NMU: variants seen among roughly 807,000 people sequenced by gnomAD.
NMU encodes the protein neuromedin U.
NMU carries 29 observed loss-of-function variants against 35.4 expected under a neutral mutation model. That is an observed-to-expected ratio of 0.82 (90% CI 0.61 to 1.12). The LOEUF (loss-of-function observed/expected upper bound fraction) is 1.12, where lower values mean the gene tolerates loss of function less well. NMU is among the 50% of genes most tolerant of loss of function. NMU has a pLI of 0.00. For synonymous variants in NMU, 78 were observed against 81.3 expected (o/e 0.96, Z 0.22); for missense variants, 199 against 206.2 (o/e 0.97, Z 0.21).
chr4:55,601,069 T>C (rs1423247187), intron 7 of NMU, among the ~76,000 whole-genome samples: 1 of 152,172 alleles, frequency 6.6e-6, no homozygotes, highest in African/African-American at 2.4e-5. Context: ...GTAAATTACA[T>C]TTATTCAATG....
chr4:55,600,966 C>G (rs951966778), intron 7 of NMU, among the ~76,000 whole-genome samples: 1 of 151,928 alleles, frequency 6.6e-6, no homozygotes, highest in Non-Finnish European at 1.5e-5. Context: ...AACCCATGAA[C>G]AGGGGAAAAT....
At chr4:55,627,250 CTT>C (rs5858341) in intron 2 of NMU, among the ~76,000 whole-genome samples, 4 of 147,240 alleles carry the variant, frequency 2.7e-5, no homozygotes, top group Admixed American at 6.8e-5. Flanking sequence ...ATTACCATGC[CTT>C]TTTTTTTTTA....
chr4:55,635,381 T>C (rs1046109497), intron 1 of NMU, among the ~76,000 whole-genome samples: 5 of 152,232 alleles, frequency 3.3e-5, no homozygotes, highest in African/African-American at 1.2e-4. Flanking sequence ...CCTATTGTTA[T>C]CAAATCACAT....
intron 2 of NMU, among the ~76,000 whole-genome samples, chr4:55,619,890 C>T (rs957662670): frequency 3.1e-5 from 4 of 128,086 alleles, no homozygotes; most frequent in Non-Finnish European, 6.9e-5. Flanking sequence ...GGGAGGCACC[C>T]CCCAGCAGGG....
intron 8 of NMU, 91 bp from the exon 9 acceptor site, chr4:55,599,272 AACGTGCATC>A: frequency 9.9e-7 from 1 of 1,006,570 alleles, no homozygotes; most frequent in Non-Finnish European, 1.6e-6. Flanking sequence ...AGGAGTGTTT[AACGTGCATC>A]ACAATCATCT....
At position 55,626,943 on chromosome 4, in the gene NMU, A is replaced by G. The variant is rs373014557; in HGVS notation, c.171+3459T>C. ...TGATTTTCTACTAACTCTATAATTT[A>G]CCTTTTATATTTCTTTCTTTAGGGG... On this transcript the variant is annotated intron_variant, in intron 2 of 9. Coordinates refer to ENST00000264218, the MANE Select transcript of NMU (RefSeq NM_006681.4). Among the ~76,000 whole-genome samples the G allele has an allele frequency of 4.7e-4, 71 of 152,190 alleles. 1 individual carries two copies. Among genetic ancestry groups the G allele is most frequent in the African/African-American group, 1.7e-3 (69 of 41,538 alleles).
chr4:55,604,681 T>A (rs867118502), intron 7 of NMU, among the ~76,000 whole-genome samples: 5 of 108,652 alleles, frequency 4.6e-5, no homozygotes, highest in African/African-American at 1.8e-4. Flanking sequence ...CCTGGCTAAT[T>A]TTTTTTTTTT....
intron 6 of NMU, among the ~76,000 whole-genome samples, chr4:55,606,925 G>A (rs531444586): frequency 2.0e-4 from 31 of 152,092 alleles, no homozygotes; most frequent in Non-Finnish European, 2.5e-4. Context: ...TGATCCTCCC[G>A]CCTCGGCCTC....
chr4:55,609,043 A>G, intron 4 of NMU, 77 bp downstream of exon 4: 1 of 1,221,600 alleles, frequency 8.2e-7, no homozygotes, highest in Non-Finnish European at 1.2e-6. Flanking sequence ...TAAATTGGGC[A>G]TATTTTCTTC....
chr4:55,601,235 T>C (rs1389542121), intron 7 of NMU, among the ~76,000 whole-genome samples: 5 of 152,114 alleles, frequency 3.3e-5, no homozygotes, highest in Admixed American at 6.5e-5. Flanking sequence ...ACATTAACAT[T>C]TTATGGTTTC....
At chr4:55,629,352 G>T (rs1275617650) in intron 2 of NMU, among the ~76,000 whole-genome samples, 2 of 151,784 alleles carry the variant, frequency 1.3e-5, no homozygotes, top group African/African-American at 4.8e-5. Context: ...CGGGTGCGGT[G>T]GCTCCTGCCT....
chr4:55,616,108 C>T (rs534682136), intron 3 of NMU, among the ~76,000 whole-genome samples: 12 of 152,186 alleles, frequency 7.9e-5, no homozygotes, highest in African/African-American at 2.6e-4. Flanking sequence ...TTTAATTTGA[C>T]GTTACAAAAT....
chr4:55,616,343 G>A lies in NMU; in HGVS notation c.214C>T (p.Pro72Ser), dbSNP rs1015156065. The A allele has an allele frequency of 2.5e-6, 4 of 1,610,378 alleles. No individual in the cohort carries two copies. Among genetic ancestry groups the A allele is most frequent in the Non-Finnish European group, 3.4e-6 (4 of 1,176,692 alleles). Residue 72 changes from proline (P) to serine (S), a missense_variant, in exon 3 of 10, where the codon CCT becomes TCT. By Grantham distance (74) the Pro-to-Ser change is moderately conservative. Transcript: ENST00000264218. Reference protein sequence around the residue: ...CSSFLSIDSQPQASNALEELC... With the variant: ...CSSFLSIDSQSQASNALEELC... ...ATATCTTCAATTGGAATTACCTGAG[G>A]CTGAGAATCAATGGACAGAAAAGAC...
intron 9 of NMU, among the ~76,000 whole-genome samples, chr4:55,598,089 G>GGTT (rs1733267095): frequency 2.3e-5 from 2 of 85,394 alleles, no homozygotes; most frequent in African/African-American, 8.6e-5. Context: ...TTTGGTTGTG[G>GGTT]TTTTTTTTTT....
At chr4:55,604,250 G>T (rs1733581573) in intron 7 of NMU, among the ~76,000 whole-genome samples, 1 of 151,066 alleles carries the variant, frequency 6.6e-6, no homozygotes, top group South Asian at 2.1e-4. Context: ...ATTTTTAGTA[G>T]AGACGGTGTT....
chr4:55,607,254 T>C, intron 6 of NMU, 44 bp downstream of exon 6: 1 of 1,421,552 alleles, frequency 7.0e-7, no homozygotes, highest in South Asian at 1.2e-5. Flanking sequence ...TTCATTCTTT[T>C]AAACAAATAT....
chr4:55,632,421 A>G (rs1715652408), intron 1 of NMU, among the ~76,000 whole-genome samples: 1 of 152,030 alleles, frequency 6.6e-6, no homozygotes, highest in Non-Finnish European at 1.5e-5. Flanking sequence ...AGCATTAGAA[A>G]TAACTTATAA....
In NMU at chr4:55,610,420, G is replaced by A. The variant is rs543483448; in HGVS notation, c.220-1241C>T. Among the ~76,000 whole-genome samples the A allele has an allele frequency of 4.0e-5, 6 of 148,714 alleles. No homozygotes were observed. The East Asian group carries it at 1.0e-3, about 25-fold the overall frequency. ...AGAGGTTGCAGTGAGCCGAGATCTC[G>A]ACACTGCACTCCAGCCTGGGTGATG... On this transcript the variant is annotated intron_variant, in intron 3 of 9. Transcript: ENST00000264218.
intron 2 of NMU, among the ~76,000 whole-genome samples, chr4:55,619,316 C>T (rs1352938072): frequency 2.8e-5 from 4 of 140,768 alleles, no homozygotes; most frequent in Admixed American, 7.1e-5. Context: ...GCGCACCTTG[C>T]GCGAGCCGAA....
Sources: gnomAD v4.1 joint callset for allele counts (sites outside exome capture counted in the v4.1 genomes callset) on GRCh38, gnomAD v4.1.1 for gene constraint, MANE v1.5 for transcripts, NCBI Gene and HGNC (gene_info 2026-07-23, HGNC 2026-07-21) for gene names.